Variants in DYSF observed in about 807,000 individuals in gnomAD.
DYSF encodes dysferlin.
Under a neutral mutation model 274.9 loss-of-function variants are expected in DYSF, and 212 were observed. The observed-to-expected ratio is 0.77, with a 90% CI of 0.69 to 0.86. DYSF has a LOEUF of 0.86. DYSF is among the 40% of genes least tolerant of loss of function. DYSF has a pLI of 0.00. For missense variants in DYSF, 2,666 were observed against 2,783.2 expected (o/e 0.96, Z 0.95); for synonymous variants, 1,091 against 1,078.7 (o/e 1.01, Z -0.22).
intron 43 of DYSF, among the ~76,000 whole-genome samples, chr2:71,657,978 C>A (rs1245356442): frequency 6.6e-6 from 1 of 152,128 alleles, no homozygotes; most frequent in Non-Finnish European, 1.5e-5. Context: ...AATTTCTTCT[C>A]AAAAAATGGG....
intron 36 of DYSF, among the ~76,000 whole-genome samples, chr2:71,609,447 C>T (rs2152871666): frequency 6.6e-6 from 1 of 151,392 alleles, no homozygotes; most frequent in Middle Eastern, 3.4e-3. Flanking sequence ...CTGGGGAGAT[C>T]AACACCAACA....
chr2:71,633,574 G>T (rs1251908243), intron 41 of DYSF, among the ~76,000 whole-genome samples: 1 of 152,144 alleles, frequency 6.6e-6, no homozygotes, highest in African/African-American at 2.4e-5. Context: ...GGGTTGTTAT[G>T]TTACTATCTT....
At chr2:71,674,338 G>GCCCCAGAA in intron 52 of DYSF, 42 bp downstream of exon 52, 2 of 1,583,714 alleles carry the variant, frequency 1.3e-6, no homozygotes. Flanking sequence ...CATGGGGGCT[G>GCCCCAGAA]CCCCAGAACC....
At chr2:71,516,313 T>G in intron 9 of DYSF, 71 bp downstream of exon 9, 2 of 1,452,976 alleles carry the variant, frequency 1.4e-6, no homozygotes, top group African/African-American at 1.4e-5. Context: ...CACACGCGTG[T>G]GTGTTTGTGC....
chr2:71,485,738 T>C (rs11693929), intron 3 of DYSF, among the ~76,000 whole-genome samples: 135,358 of 152,264 alleles, frequency 0.89, 60,274 homozygotes, highest in East Asian at 1. Flanking sequence ...TACCAGGGAG[T>C]AACAAGAATG....
Position 71,551,111 on chromosome 2 carries a change from G to A in DYSF, c.1647G>A (p.Glu549=), listed in dbSNP as rs745392312. 1.9e-6 allele frequency: 3 copies of A among 1,614,054 alleles called. No homozygotes were observed. The highest frequency in any genetic ancestry group is 2.2e-5 in the South Asian group (2 of 91,094). The change falls in exon 18 of 56, where the codon GAG becomes GAA. Residue 549 remains glutamate (E), a synonymous_variant. Coordinates refer to ENST00000410020, the MANE Select transcript of DYSF (RefSeq NM_001130987.2). The part of the protein sequence containing the change: ...CYINLYGSPR[E]FTGFPDPYTE... ...TCAACCTCTATGGCAGTCCCAGAGA[G>A]TTCACAGGCTTCCCAGACCCCTACA... is the stretch of plus-strand genomic sequence containing the variant.
intron 3 of DYSF, among the ~76,000 whole-genome samples, chr2:71,491,001 G>A (rs1232665399): frequency 6.6e-6 from 1 of 152,098 alleles, no homozygotes; most frequent in African/African-American, 2.4e-5. Context: ...AAGGGTATAA[G>A]CAAATAACAT....
At chr2:71,463,398 G>A (rs74836064), upstream of DYSF, among the ~76,000 whole-genome samples, 5,138 of 152,314 alleles carry the variant, frequency 0.034, 165 homozygotes, top group African/African-American at 0.082. Context: ...AGGGATGCCT[G>A]GATCTGGGGC....
At chr2:71,613,776 C>T (rs1283562754) in intron 40 of DYSF, among the ~76,000 whole-genome samples, 1 of 152,062 alleles carries the variant, frequency 6.6e-6, no homozygotes, top group African/African-American at 2.4e-5. Flanking sequence ...CTCTGGGGTC[C>T]TCCAGCCCCA....
rs561146791 is a variant in DYSF at position 71,611,902 on chromosome 2, G to A, written c.4221+276G>A. 9.9e-5 allele frequency among the ~76,000 whole-genome samples: 15 copies of A among 152,220 alleles called. No homozygotes were observed. The East Asian group carries it at 2.7e-3, about 28-fold the overall frequency. On this transcript the variant is annotated intron_variant, in intron 38 of 55. Transcript: ENST00000410020. ...CATCCCCTGGCTGTTGTCCCTCTGGGACAGGTTTCAGTCCCCTGGAGCGCC... is the reference window on the plus strand; with the variant it reads ...CATCCCCTGGCTGTTGTCCCTCTGGAACAGGTTTCAGTCCCCTGGAGCGCC...
At position 71,564,109 on chromosome 2, in the gene DYSF, C is replaced by T. The variant is rs754179180; in HGVS notation, c.2461C>T (p.Arg821Cys). 7.4e-6 allele frequency: 12 copies of T among 1,614,160 alleles called. No individual in the cohort carries two copies. The Admixed American group carries it at 1.3e-4, about 18-fold the overall frequency. ...IVIWMLQGDK[R>C]VAYQRVPAHQ... ...CATCTGGATGCTGCAGGGAGACAAG[C>T]GTGTGGCATACCAGCGGGTGCCCGC... is the stretch of plus-strand genomic sequence containing the variant. Residue 821 changes from arginine to cysteine, a missense_variant, in exon 24 of 56, where the codon CGT (arginine) becomes TGT (cysteine). Coordinates refer to ENST00000410020, the MANE Select transcript of DYSF (RefSeq NM_001130987.2).
chr2:71,590,866 T>A (rs1330630945), intron 32 of DYSF, among the ~76,000 whole-genome samples: 1 of 152,122 alleles, frequency 6.6e-6, no homozygotes, highest in Admixed American at 6.5e-5. Flanking sequence ...CTCAGATCTG[T>A]TCCCTCCTCT....
intron 16 of DYSF, among the ~76,000 whole-genome samples, chr2:71,537,223 G>GTTTTT (rs71402990): frequency 0.034 from 2,710 of 79,394 alleles, 128 homozygotes; most frequent in Non-Finnish European, 0.043. Flanking sequence ...TTCTAGTTTT[G>GTTTTT]TTTTTTTTTT....
intron 17 of DYSF, among the ~76,000 whole-genome samples, chr2:71,540,103 AC>A (rs1197829999): frequency 6.7e-6 from 1 of 149,512 alleles, no homozygotes; most frequent in African/African-American, 2.5e-5. Context: ...AAAGATTTCA[AC>A]TTTTTTTTTC....
At chr2:71,670,482 G>A (rs2152957338) in intron 51 of DYSF, among the ~76,000 whole-genome samples, 1 of 152,312 alleles carries the variant, frequency 6.6e-6, no homozygotes, top group African/African-American at 2.4e-5. Flanking sequence ...TGTGCCTATG[G>A]TCACCGTCCA....
intron 1 of DYSF, among the ~76,000 whole-genome samples, chr2:71,468,536 C>T (rs1399875485): frequency 6.6e-6 from 1 of 152,218 alleles, no homozygotes; most frequent in Non-Finnish European, 1.5e-5. Flanking sequence ...ACACGTGCAG[C>T]TGCTATCTCC....
intron 19 of DYSF, among the ~76,000 whole-genome samples, chr2:71,552,012 G>C (rs936946462): frequency 6.6e-6 from 1 of 152,014 alleles, no homozygotes; most frequent in African/African-American, 2.4e-5. Context: ...CATAAGGATA[G>C]CTAACTGTTA....
intron 48 of DYSF, among the ~76,000 whole-genome samples, chr2:71,668,236 G>T (rs1418643784): frequency 6.6e-6 from 1 of 152,200 alleles, no homozygotes; most frequent in African/African-American, 2.4e-5. Flanking sequence ...CCCCAAAGTG[G>T]CACAACAGGT....
At chr2:71,532,050 A>G (rs919077897) in intron 14 of DYSF, among the ~76,000 whole-genome samples, 1 of 152,200 alleles carries the variant, frequency 6.6e-6, no homozygotes, top group Non-Finnish European at 1.5e-5. Flanking sequence ...ATGAGAATCA[A>G]CTATATACAT....
Sources: gnomAD v4.1 joint callset for allele counts (sites outside exome capture counted in the v4.1 genomes callset) on GRCh38, gnomAD v4.1.1 for gene constraint, MANE v1.5 for transcripts, NCBI Gene and HGNC (gene_info 2026-07-23, HGNC 2026-07-21) for gene names.